ASAP1: variants seen among roughly 807,000 people sequenced by gnomAD.
The protein encoded by ASAP1 is arf-GAP with SH3 domain, ANK repeat and PH domain-containing protein 1.
A neutral mutation model predicts 145.2 loss-of-function variants in ASAP1; 43 were observed. The observed-to-expected ratio is 0.30, with a 90% CI of 0.23 to 0.38. The LOEUF (loss-of-function observed/expected upper bound fraction) is 0.38. Among genes scored for constraint, ASAP1 ranks in the 10% least tolerant of loss-of-function variants. ASAP1 has a pLI of 1.00. For synonymous variants in ASAP1, 546 were observed against 515.5 expected (o/e 1.06, Z -0.80); for missense variants, 1,018 against 1,355.3 (o/e 0.75, Z 3.91).
intron 3 of ASAP1, chr8:130,340,877 G>A (rs1565224620): frequency 2.2e-6 from 1 of 456,114 alleles, no homozygotes; most frequent in Non-Finnish European, 4.4e-6. Context: ...CATGCTTCTT[G>A]AGGCTGACCA....
At chr8:130,305,397 A>G (rs1293903962) in intron 3 of ASAP1, among the ~76,000 whole-genome samples, 1 of 152,192 alleles carries the variant, frequency 6.6e-6, no homozygotes, top group Non-Finnish European at 1.5e-5. Context: ...CCCAGGCTGG[A>G]GTCCAGTGGT....
intron 16 of ASAP1, among the ~76,000 whole-genome samples, chr8:130,127,507 G>A (rs998059057): frequency 5.3e-5 from 8 of 152,132 alleles, no homozygotes; most frequent in African/African-American, 1.4e-4. Flanking sequence ...GTGAGCCACC[G>A]TGCCATAGCA....
intron 4 of ASAP1, among the ~76,000 whole-genome samples, chr8:130,215,726 AGAGT>A (rs1353071125): frequency 2.0e-5 from 3 of 152,062 alleles, no homozygotes; most frequent in Admixed American, 2.0e-4. Context: ...CCTGAGCAAC[AGAGT>A]GAGACTCTGT....
intron 25 of ASAP1, among the ~76,000 whole-genome samples, chr8:130,081,748 C>T (rs2097481024): frequency 6.6e-6 from 1 of 152,094 alleles, no homozygotes; most frequent in Non-Finnish European, 1.5e-5. Context: ...GCTGCAGGTC[C>T]CGTGGGGAAA....
At position 130,159,549 on chromosome 8, in the gene ASAP1, G is replaced by GAAA. The variant is rs869060434; in HGVS notation, c.1010+312_1010+314dup. 3.6e-5 allele frequency among the ~76,000 whole-genome samples: 3 copies of GAAA among 84,158 alleles called. 1 individual carries two copies. The highest frequency in any genetic ancestry group is 2.4e-5 in the Non-Finnish European group (1 of 42,230). 55.2% of individuals were successfully genotyped at this position (84,158 alleles called of 152,430 possible). ...AGGCAGGAGAATGGCGTGAACTCAG[G>GAAA]AAAAAAAAAAAAAAAAAAAAGCGGA... On this transcript the variant is annotated intron_variant, in intron 12 of 29. Transcript: ENST00000518721.
intron 3 of ASAP1, among the ~76,000 whole-genome samples, chr8:130,241,707 T>G (rs756734722): frequency 3.9e-5 from 6 of 152,136 alleles, no homozygotes; most frequent in Non-Finnish European, 8.8e-5. Context: ...AGAAGAGATA[T>G]GACTATACAG....
rs1218432564 is a variant in ASAP1 at position 130,160,870 on chromosome 8, T to C, written c.910-906A>G. ...AATATAGTTAATTTCATTGAAAATGTTATCCATAATTTAAGCATTTTATAT... is the reference window on the plus strand; with the variant it reads ...AATATAGTTAATTTCATTGAAAATGCTATCCATAATTTAAGCATTTTATAT... On this transcript the variant is annotated intron_variant, in intron 11 of 29. Transcript: ENST00000518721. 2.7e-6 allele frequency: 3 copies of C among 1,113,730 alleles called. No homozygotes were observed. The African/African-American group carries it at 4.9e-5, about 18-fold the overall frequency. 69.0% of individuals were successfully genotyped at this position (1,113,730 alleles called of 1,614,324 possible).
chr8:130,097,850 A>G (rs2097521929), intron 24 of ASAP1, among the ~76,000 whole-genome samples: 1 of 152,202 alleles, frequency 6.6e-6, no homozygotes, highest in Non-Finnish European at 1.5e-5. Flanking sequence ...TGGTTTGAGA[A>G]TATCTCCCCC....
At chr8:130,190,757 C>A (rs1029907465) in intron 5 of ASAP1, among the ~76,000 whole-genome samples, 1 of 152,148 alleles carries the variant, frequency 6.6e-6, no homozygotes, top group Non-Finnish European at 1.5e-5. Context: ...ACCTTGTGAT[C>A]CACCCTCCTT....
chr8:130,382,630 T>G (rs984711886), intron 2 of ASAP1, among the ~76,000 whole-genome samples: 2 of 152,168 alleles, frequency 1.3e-5, no homozygotes, highest in Admixed American at 1.3e-4. Context: ...GCGGATCACT[T>G]GAGGCCAGGA....
chr8:130,098,652 A>C (rs2097523294), intron 24 of ASAP1, among the ~76,000 whole-genome samples: 1 of 152,100 alleles, frequency 6.6e-6, no homozygotes, highest in African/African-American at 2.4e-5. Context: ...CAGGCCTAAA[A>C]ACTTTTTAGT....
At chr8:130,285,858 A>C (rs575452277) in intron 3 of ASAP1, among the ~76,000 whole-genome samples, 1 of 152,366 alleles carries the variant, frequency 6.6e-6, no homozygotes, top group Non-Finnish European at 1.5e-5. Context: ...AGCGAGTACC[A>C]ACAATGTTCC....
At chr8:130,330,865 A>C (rs1261355485) in intron 3 of ASAP1, among the ~76,000 whole-genome samples, 1 of 152,222 alleles carries the variant, frequency 6.6e-6, no homozygotes, top group Non-Finnish European at 1.5e-5. Flanking sequence ...CATGAAGAAT[A>C]TACTGAACCC....
At chr8:130,193,995 T>C (rs986140920) in intron 5 of ASAP1, among the ~76,000 whole-genome samples, 2 of 152,094 alleles carry the variant, frequency 1.3e-5, no homozygotes, top group African/African-American at 4.8e-5. Flanking sequence ...CCGCCACACA[T>C]AGTAACTTTT....
intron 12 of ASAP1, among the ~76,000 whole-genome samples, chr8:130,153,332 A>ATATAT (rs2097650637): frequency 1.1e-5 from 1 of 87,510 alleles, no homozygotes; most frequent in Non-Finnish European, 2.2e-5. Flanking sequence ...CTGCTTTTTA[A>ATATAT]ATATATATAT....
intron 3 of ASAP1, among the ~76,000 whole-genome samples, chr8:130,244,946 GA>G (rs1818757376): frequency 6.6e-6 from 1 of 152,084 alleles, no homozygotes; most frequent in African/African-American, 2.4e-5. Flanking sequence ...ACAGAAATAG[GA>G]ACTCCAATTA....
chr8:130,370,987 A>C (rs534749406), intron 2 of ASAP1, among the ~76,000 whole-genome samples: 45 of 152,214 alleles, frequency 3.0e-4, no homozygotes, highest in Non-Finnish European at 5.4e-4. Flanking sequence ...TAGTTCTATC[A>C]TTTTGTGAAT....
At chr8:130,122,217 T>C (rs1466387429) in intron 18 of ASAP1, among the ~76,000 whole-genome samples, 2 of 152,240 alleles carry the variant, frequency 1.3e-5, no homozygotes, top group African/African-American at 2.4e-5. Flanking sequence ...TGTAATTGTA[T>C]GACTGACTTT....
At chr8:130,370,938 G>A (rs1827185087) in intron 2 of ASAP1, among the ~76,000 whole-genome samples, 1 of 152,218 alleles carries the variant, frequency 6.6e-6, no homozygotes, top group African/African-American at 2.4e-5. Context: ...GGTTTCTTGT[G>A]AGGAGTGACA....
Sources: gnomAD v4.1 joint callset for allele counts (sites outside exome capture counted in the v4.1 genomes callset) on GRCh38, gnomAD v4.1.1 for gene constraint, MANE v1.5 for transcripts, NCBI Gene and HGNC (gene_info 2026-07-23, HGNC 2026-07-21) for gene names.